Variants in LRP1B observed in about 807,000 individuals in gnomAD.
LRP1B encodes the protein LDL receptor related protein 1B.
Under a neutral mutation model 556.6 loss-of-function variants are expected in LRP1B, and 217 were observed. That is an observed-to-expected ratio of 0.39 (90% CI 0.35 to 0.44). The LOEUF is 0.44. Ranked by LOEUF, LRP1B falls within the 20% of genes least tolerant of loss-of-function variation. The probability of loss-of-function intolerance (pLI) is 1.00; values close to 1 mark genes in which losing one functional copy is unlikely to be tolerated. For missense variants in LRP1B, 5,053 were observed against 5,620.8 expected (o/e 0.90, Z 3.23); for synonymous variants, 2,047 against 1,865.8 (o/e 1.10, Z -2.50).
At chr2:141,450,792 G>A (rs1261149783) in intron 3 of LRP1B, among the ~76,000 whole-genome samples, 1 of 151,982 alleles carries the variant, frequency 6.6e-6, no homozygotes, top group African/African-American at 2.4e-5. Context: ...AACTTTCAGT[G>A]CTAAAATAGA....
intron 7 of LRP1B, among the ~76,000 whole-genome samples, chr2:141,077,434 G>A (rs1487500549): frequency 6.6e-6 from 1 of 152,094 alleles, no homozygotes; most frequent in African/African-American, 2.4e-5. Flanking sequence ...TTGCTGCTCA[G>A]TCTTCATGTC....
chr2:141,341,985 C>T (rs760607872), intron 3 of LRP1B, among the ~76,000 whole-genome samples: 11 of 152,050 alleles, frequency 7.2e-5, no homozygotes, highest in Non-Finnish European at 1.5e-4. Context: ...TAGCTCACAC[C>T]TGTAATCCCA....
At chr2:140,733,708 A>G (rs1014098392) in intron 35 of LRP1B, among the ~76,000 whole-genome samples, 2 of 152,196 alleles carry the variant, frequency 1.3e-5, no homozygotes, top group Non-Finnish European at 2.9e-5. Context: ...ACTTCTGAGG[A>G]TAGGCGGGCA....
chr2:141,018,651 T>C lies in LRP1B; in HGVS notation c.1970+1271A>G, dbSNP rs142565575. 6.1e-3 allele frequency among the ~76,000 whole-genome samples: 929 copies of C among 152,232 alleles called. 9 individuals carry two copies. The highest frequency in any genetic ancestry group is 8.8e-3 in the Admixed American group (134 of 15,282). On this transcript the variant is annotated intron_variant, in intron 12 of 90. Transcript: ENST00000389484. ...TAGCTCTATCAGAAAACATTTTCTC[T>C]AACAACAGTGAGAAAGAAGATGCTG...
At chr2:140,238,437 A>G (rs921727888) in intron 88 of LRP1B, 141 bp from the exon 89 acceptor site, 31 of 484,398 alleles carry the variant, frequency 6.4e-5, no homozygotes, top group Admixed American at 4.4e-4. Flanking sequence ...AGGAACAAAA[A>G]GTAGTACATT....
chr2:141,901,160 A>C (rs968062303), intron 1 of LRP1B, among the ~76,000 whole-genome samples: 3 of 152,048 alleles, frequency 2.0e-5, no homozygotes, highest in African/African-American at 7.2e-5. Flanking sequence ...AAATGCACTA[A>C]GGAGTTTTCT....
intron 1 of LRP1B, among the ~76,000 whole-genome samples, chr2:141,901,573 C>A (rs1173545750): frequency 6.6e-6 from 1 of 151,762 alleles, no homozygotes; most frequent in Non-Finnish European, 1.5e-5. Flanking sequence ...ATACATAATA[C>A]ATTTATGTGC....
chr2:141,824,100 T>C (rs896246595), intron 1 of LRP1B, among the ~76,000 whole-genome samples: 1 of 152,188 alleles, frequency 6.6e-6, no homozygotes, highest in Non-Finnish European at 1.5e-5. Context: ...AACCATTCAG[T>C]TAGGCTTTTT....
At chr2:140,478,684 C>A (rs1157678915) in intron 59 of LRP1B, among the ~76,000 whole-genome samples, 15 of 152,062 alleles carry the variant, frequency 9.9e-5, no homozygotes, top group Non-Finnish European at 1.5e-5. Context: ...GATCCCAGGT[C>A]CTCTCATTAC....
At chr2:141,704,992 T>A (rs915971220) in intron 2 of LRP1B, among the ~76,000 whole-genome samples, 1 of 152,018 alleles carries the variant, frequency 6.6e-6, no homozygotes, top group Admixed American at 6.6e-5. Context: ...AGGTTAATAC[T>A]TTTTTTGAGA....
intron 3 of LRP1B, among the ~76,000 whole-genome samples, chr2:141,329,655 A>AAAAAAAAAAAAAAC (rs1687567484): frequency 7.2e-6 from 1 of 138,076 alleles, no homozygotes; most frequent in African/African-American, 2.8e-5. Context: ...AAAAAAAAAA[A>AAAAAAAAAAAAAAC]AAAAAAAAAA....
chr2:141,489,068 T>C (rs1683232888), intron 2 of LRP1B, among the ~76,000 whole-genome samples: 1 of 149,770 alleles, frequency 6.7e-6, no homozygotes, highest in Admixed American at 6.7e-5. Flanking sequence ...CTTCACCTTC[T>C]GGGCTGAAGC....
chr2:140,660,913 A>G (rs1429571779), intron 41 of LRP1B, among the ~76,000 whole-genome samples: 1 of 151,594 alleles, frequency 6.6e-6, no homozygotes, highest in Admixed American at 6.6e-5. Context: ...GCATTTAGAA[A>G]AGACAAGCAG....
At chr2:140,565,508 TTTAA>T (rs985313044) in intron 43 of LRP1B, among the ~76,000 whole-genome samples, 7 of 152,252 alleles carry the variant, frequency 4.6e-5, no homozygotes, top group African/African-American at 1.4e-4. Flanking sequence ...CATTTTTTGT[TTTAA>T]TTAAATAAGG....
chr2:142,016,223 G>A (rs1703126077), intron 1 of LRP1B, among the ~76,000 whole-genome samples: 1 of 152,112 alleles, frequency 6.6e-6, no homozygotes, highest in Admixed American at 6.5e-5. Flanking sequence ...CTTTTACACT[G>A]TTGGTAGGAG....
At chr2:141,626,132 T>C (rs1219810988) in intron 2 of LRP1B, among the ~76,000 whole-genome samples, 2 of 152,054 alleles carry the variant, frequency 1.3e-5, no homozygotes, top group African/African-American at 4.8e-5. Flanking sequence ...CAAAAATAAA[T>C]TATAAGAGAT....
chr2:141,022,401 G>A (rs1262096289), intron 11 of LRP1B, among the ~76,000 whole-genome samples: 1 of 151,668 alleles, frequency 6.6e-6, no homozygotes, highest in Non-Finnish European at 1.5e-5. Context: ...TCTTTAATGG[G>A]GCAGGGAGGA....
intron 3 of LRP1B, among the ~76,000 whole-genome samples, chr2:141,422,596 T>C (rs1361263095): frequency 6.6e-6 from 1 of 152,182 alleles, no homozygotes; most frequent in Non-Finnish European, 1.5e-5. Flanking sequence ...ACATATGCAT[T>C]CTCCATTTTT....
At chr2:140,899,984 A>G (rs1010759122) in intron 23 of LRP1B, among the ~76,000 whole-genome samples, 1 of 152,210 alleles carries the variant, frequency 6.6e-6, no homozygotes, top group Non-Finnish European at 1.5e-5. Flanking sequence ...AACAAGAAAA[A>G]AAAACAAAAA....
Sources: gnomAD v4.1 joint callset for allele counts (sites outside exome capture counted in the v4.1 genomes callset) on GRCh38, gnomAD v4.1.1 for gene constraint, MANE v1.5 for transcripts, NCBI Gene and HGNC (gene_info 2026-07-23, HGNC 2026-07-21) for gene names.